Variants in PRUNE2 observed in about 807,000 individuals in gnomAD.
PRUNE2 encodes protein prune homolog 2.
A neutral mutation model predicts 252.0 loss-of-function variants in PRUNE2; 164 were observed. The ratio of observed to expected loss-of-function variants is 0.65; its 90% CI spans 0.57 to 0.74. The LOEUF (loss-of-function observed/expected upper bound fraction) is 0.74. Among genes scored for constraint, PRUNE2 ranks in the 30% least tolerant of loss-of-function variants. PRUNE2 has a pLI of 0.00. For synonymous variants in PRUNE2, 1,292 were observed against 1,350.2 expected (o/e 0.96, Z 0.94); for missense variants, 3,495 against 3,711.0 (o/e 0.94, Z 1.51).
Position 76,724,749 on chromosome 9 carries a change from A to C in PRUNE2, c.757-11028T>G, listed in dbSNP as rs1015817327. ...CATCACCTCATTAACTAACAGCCTA[A>C]TTTACATTTTCTTTAAGGACAGACC... On this transcript the variant is annotated intron_variant, in intron 6 of 18. Coordinates refer to ENST00000376718, the MANE Select transcript of PRUNE2 (RefSeq NM_015225.3). Among the ~76,000 whole-genome samples, 4 of 152,182 alleles carry C rather than the reference A, an allele frequency of 2.6e-5. No homozygotes were observed. The East Asian group carries it at 7.7e-4, about 29-fold the overall frequency.
chr9:76,894,289 C>A (rs923329236), intron 1 of PRUNE2, among the ~76,000 whole-genome samples: 4 of 152,174 alleles, frequency 2.6e-5, no homozygotes, highest in African/African-American at 9.7e-5. Context: ...GAATCATACC[C>A]CATAGTTTGA....
rs1406538501 is a variant in PRUNE2, at chr9:76,713,604, G to T, written c.874C>A (p.Gln292Lys). The change falls in exon 7 of 19, where the codon CAG (glutamine) becomes AAG (lysine). Residue 292 changes from glutamine to lysine, a missense_variant. Gln to Lys is a moderately conservative substitution (Grantham distance 53). Transcript: ENST00000376718. ...YLSEEQQPRR[Q>K]IAVYSENMEL... ...ATGTTTTCTGAGTACACAGCAATCT[G>T]TCGTCTCGGCTGCTGCTCCTCTGAC... The T allele has an allele frequency of 6.2e-7, 1 of 1,608,434 alleles. No homozygotes were observed. Among genetic ancestry groups the T allele is most frequent in the Non-Finnish European group, 8.5e-7 (1 of 1,177,460 alleles).
At chr9:76,816,954 T>C (rs909354035) in intron 6 of PRUNE2, among the ~76,000 whole-genome samples, 1 of 152,236 alleles carries the variant, frequency 6.6e-6, no homozygotes, top group Non-Finnish European at 1.5e-5. Flanking sequence ...ACTTGACTTA[T>C]CTTGCCAAAT....
chr9:76,794,424 G>A (rs2055860403), intron 6 of PRUNE2, among the ~76,000 whole-genome samples: 1 of 151,984 alleles, frequency 6.6e-6, no homozygotes, highest in Non-Finnish European at 1.5e-5. Flanking sequence ...AGGTCATCCT[G>A]GCCAACACAG....
intron 2 of PRUNE2, among the ~76,000 whole-genome samples, chr9:76,853,370 GA>G (rs759647084): frequency 6.6e-6 from 1 of 152,124 alleles, no homozygotes; most frequent in Non-Finnish European, 1.5e-5. Flanking sequence ...GTGTGACATT[GA>G]AAATAACACC....
chr9:76,881,545 T>C (rs2061784582), intron 1 of PRUNE2, among the ~76,000 whole-genome samples: 1 of 152,136 alleles, frequency 6.6e-6, no homozygotes, highest in Non-Finnish European at 1.5e-5. Flanking sequence ...AAAGACACCC[T>C]ATACATATTC....
At position 76,709,122 on chromosome 9, in the gene PRUNE2, T is replaced by A. The variant is rs1356009713; in HGVS notation, c.3152A>T (p.Asp1051Val). ...SSEINTTHNL[D>V]ENELKTEHTD... ...GTGCTCTGTCTTGAGTTCATTTTCA[T>A]CCAGGTTGTGAGTGGTATTTATTTC... The change falls in exon 8 of 19, where the codon GAT (aspartate) becomes GTT (valine). Residue 1051 changes from aspartate (D) to valine (V), a missense_variant. Asp to Val is a radical substitution (Grantham distance 152). Transcript: ENST00000376718. 6.2e-7 allele frequency: 1 copy of A among 1,613,882 alleles called. No homozygotes were observed. The highest frequency in any genetic ancestry group is 1.3e-5 in the African/African-American group (1 of 74,922).
chr9:76,872,481 C>T (rs1464888954), intron 1 of PRUNE2, among the ~76,000 whole-genome samples: 1 of 151,994 alleles, frequency 6.6e-6, no homozygotes, highest in Non-Finnish European at 1.5e-5. Context: ...GTGACTTTTG[C>T]CTTTCTTCAA....
chr9:76,759,192 T>C (rs2051450555), intron 6 of PRUNE2: 1 of 152,056 alleles, frequency 6.6e-6, no homozygotes, highest in Non-Finnish European at 1.5e-5. Context: ...CCATTTGAGG[T>C]GTAATGGAAA....
intron 1 of PRUNE2, among the ~76,000 whole-genome samples, chr9:76,880,875 A>T (rs780888076): frequency 6.6e-6 from 1 of 152,006 alleles, no homozygotes; most frequent in Non-Finnish European, 1.5e-5. Flanking sequence ...AAAATAAATA[A>T]TTTTTTCCCA....
chr9:76,622,904 C>A (rs552692628), intron 17 of PRUNE2, among the ~76,000 whole-genome samples: 1 of 152,260 alleles, frequency 6.6e-6, no homozygotes, highest in African/African-American at 2.4e-5. Flanking sequence ...AAAGCAAAAA[C>A]CTATCCTTTA....
At chr9:76,897,410 T>A (rs1346742339) in intron 1 of PRUNE2, among the ~76,000 whole-genome samples, 4 of 122,098 alleles carry the variant, frequency 3.3e-5, no homozygotes, top group South Asian at 3.2e-4. Flanking sequence ...TTTTTTTTTT[T>A]TTTTTTTTTT....
chr9:76,640,750 T>C lies in PRUNE2; in HGVS notation c.8729-2462A>G, dbSNP rs1270682106. Among the ~76,000 whole-genome samples the C allele has an allele frequency of 3.9e-5, 6 of 152,240 alleles. 1 individual carries two copies. Among genetic ancestry groups the C allele is most frequent in the Admixed American group, 1.3e-4 (2 of 15,282 alleles). On this transcript the variant is annotated intron_variant, in intron 12 of 18. Transcript: ENST00000376718. The stretch of plus-strand genomic sequence containing the variant: ...CACAAAGGATATGGTGGCTTAGCTA[T>C]ACTAATCCTCATACCGCACAGATAA...
At chr9:76,901,752 T>C (rs906809454) in intron 1 of PRUNE2, among the ~76,000 whole-genome samples, 3 of 152,256 alleles carry the variant, frequency 2.0e-5, no homozygotes, top group Admixed American at 2.0e-4. Flanking sequence ...AGAATTTTTC[T>C]TCTGTAGAAG....
chr9:76,705,411 G>A lies in PRUNE2; in HGVS notation c.6863C>T (p.Ser2288Leu). Reference sequence around the variant, plus strand: ...TTCGCTTATATCCAGACAAGTGTCTGAGGCTAGCAAAGCATCAGGAACCAA... The same window carrying A: ...TTCGCTTATATCCAGACAAGTGTCTAAGGCTAGCAAAGCATCAGGAACCAA... ...PALVPDALLA[S>L]DTCLDISEAA... Residue 2288 changes from serine (S) to leucine (L), a missense_variant, in exon 8 of 19, where the codon TCA becomes TTA. By Grantham distance (145) the Ser-to-Leu change is moderately radical. Coordinates refer to ENST00000376718, the MANE Select transcript of PRUNE2 (RefSeq NM_015225.3). The A allele has an allele frequency of 6.2e-7, 1 of 1,613,970 alleles. No individual in the cohort carries two copies. The highest frequency in any genetic ancestry group is 2.2e-5 in the East Asian group (1 of 44,872).
At chr9:76,779,968 C>G (rs993909284) in intron 6 of PRUNE2, 1 of 152,152 alleles carries the variant, frequency 6.6e-6, no homozygotes, top group Non-Finnish European at 1.5e-5. Flanking sequence ...GACAGGGATT[C>G]AACTAGAAAT....
intron 17 of PRUNE2, among the ~76,000 whole-genome samples, chr9:76,620,436 C>A (rs537221674): frequency 1.3e-5 from 2 of 152,100 alleles, no homozygotes; most frequent in Non-Finnish European, 2.9e-5. Context: ...CCACTGTGCC[C>A]GGCCTCCCAT....
intron 12 of PRUNE2, among the ~76,000 whole-genome samples, chr9:76,640,914 A>C (rs1842312931): frequency 6.6e-6 from 1 of 152,264 alleles, no homozygotes; most frequent in Non-Finnish European, 1.5e-5. Context: ...AGAGTGTTAC[A>C]GTAATTTCAA....
At chr9:76,715,002 C>T (rs1226850289) in intron 6 of PRUNE2, among the ~76,000 whole-genome samples, 1 of 152,176 alleles carries the variant, frequency 6.6e-6, no homozygotes, top group South Asian at 2.1e-4. Flanking sequence ...ATGATGTGCA[C>T]TCAAGGGATT....
Sources: gnomAD v4.1 joint callset for allele counts (sites outside exome capture counted in the v4.1 genomes callset) on GRCh38, gnomAD v4.1.1 for gene constraint, MANE v1.5 for transcripts, NCBI Gene and HGNC (gene_info 2026-07-23, HGNC 2026-07-21) for gene names.